The following MFSD6 variants were observed in gnomAD, a reference collection of about 807,000 sequenced individuals.
The protein encoded by MFSD6 is major facilitator superfamily domain containing 6.
MFSD6 carries 26 observed loss-of-function variants against 56.3 expected under a neutral mutation model. That is an observed-to-expected ratio of 0.46 (90% confidence interval 0.34 to 0.64). The LOEUF (loss-of-function observed/expected upper bound fraction) is 0.64. MFSD6 is among the 30% of genes least tolerant of loss of function. The pLI is 0.01. For missense variants in MFSD6, 750 were observed against 986.2 expected (o/e 0.76, Z 3.21); for synonymous variants, 331 against 366.9 (o/e 0.90, Z 1.12).
rs772620431 is a variant in MFSD6 at position 190,488,714 on chromosome 2, C to T, written c.1688C>T (p.Pro563Leu). 5.6e-6 allele frequency: 9 copies of T among 1,606,790 alleles called. No homozygotes were observed. Among genetic ancestry groups the T allele is most frequent in the African/African-American group, 5.4e-5 (4 of 74,570 alleles). ...ACISYLSAAV[P>L]PELRTSAQGI... ...ATTTCTTACCTCAGTGCAGCCGTTC[C>T]CCCTGAGCTGAGGACATCTGCTCAG... Residue 563 changes from proline to leucine, a missense_variant, in exon 5 of 8, where the codon CCC becomes CTC. By Grantham distance (98) the Pro-to-Leu change is moderately conservative. This residue lies in a region of MFSD6 where 125 missense variants were observed against 223.1 expected (regional missense o/e 0.56). Coordinates refer to ENST00000392328, the MANE Select transcript of MFSD6 (RefSeq NM_017694.4). This position sits in a 1 kb window ranked among gnomAD's most constrained non-coding sequence, Gnocchi z 6.4.
chr2:190,445,214 T>C (rs1686530354), intron 3 of MFSD6, among the ~76,000 whole-genome samples: 1 of 152,186 alleles, frequency 6.6e-6, no homozygotes, highest in East Asian at 1.9e-4. Context: ...TACAGGAGAA[T>C]TGATGCAAAG....
chr2:190,432,596 T>C (rs1431723149), intron 2 of MFSD6, among the ~76,000 whole-genome samples: 3 of 152,158 alleles, frequency 2.0e-5, no homozygotes, highest in African/African-American at 4.8e-5. Flanking sequence ...TTTGTATTTT[T>C]AGTAGAGACA....
At position 190,431,280 on chromosome 2, in the gene MFSD6, G is replaced by A. The variant is rs1039403638; in HGVS notation, c.-53-4697G>A. Reference sequence around the variant, plus strand: ...AGAGGATGGGCGGCCAGGCAGAGACGCTCCTCACTTCCCAGACGGGGTGGC... The same window carrying A: ...AGAGGATGGGCGGCCAGGCAGAGACACTCCTCACTTCCCAGACGGGGTGGC... On this transcript the variant is annotated intron_variant, in intron 2 of 7. Transcript: ENST00000392328. The surrounding 1 kb of genome is among the most constrained non-coding windows in gnomAD (Gnocchi z 4.4). Among the ~76,000 whole-genome samples the A allele has an allele frequency of 2.0e-5, 3 of 152,120 alleles. No homozygotes were observed. Among genetic ancestry groups the A allele is most frequent in the African/African-American group, 2.4e-5 (1 of 41,424 alleles).
In MFSD6 at chr2:190,491,785, A is replaced by G. The variant is rs1324619127; in HGVS notation, c.1891+1919A>G. On this transcript the variant is annotated intron_variant, in intron 6 of 7. Coordinates refer to ENST00000392328, the MANE Select transcript of MFSD6 (RefSeq NM_017694.4). This position sits in a 1 kb window ranked among gnomAD's most constrained non-coding sequence, Gnocchi z 4.2. The stretch of plus-strand genomic sequence containing the variant: ...GCCCCAACAAAATCACACTAGCACC[A>G]GCAATAGATCCAAACCAAGAAGAAA... 6.6e-6 allele frequency among the ~76,000 whole-genome samples: 1 copy of G among 152,224 alleles called. No individual in the cohort carries two copies. Among genetic ancestry groups the G allele is most frequent in the African/African-American group, 2.4e-5 (1 of 41,466 alleles).
intron 4 of MFSD6, among the ~76,000 whole-genome samples, chr2:190,481,620 G>C (rs987153768): frequency 6.6e-6 from 1 of 152,158 alleles, no homozygotes; most frequent in African/African-American, 2.4e-5. Context: ...TAAGCTCCTT[G>C]GTGGCTGGGG....
intron 3 of MFSD6, among the ~76,000 whole-genome samples, chr2:190,441,326 C>T (rs555227642): frequency 1.3e-5 from 2 of 152,178 alleles, no homozygotes; most frequent in Admixed American, 1.3e-4. Flanking sequence ...GCCCAGGTTG[C>T]ACCCAGACCA....
rs540688436 is a variant in MFSD6, at chr2:190,413,496, A to T, written c.-175-1796A>T. 2.6e-5 allele frequency among the ~76,000 whole-genome samples: 4 copies of T among 152,336 alleles called. No individual in the cohort carries two copies. The South Asian group carries it at 8.3e-4, about 32-fold the overall frequency. Reference sequence around the variant, plus strand: ...GAAAGGCCAGCTCTGAATGACTCTGAGGAAATGTTTGGAAGCATTTTGATC... The same window carrying T: ...GAAAGGCCAGCTCTGAATGACTCTGTGGAAATGTTTGGAAGCATTTTGATC... On this transcript the variant is annotated intron_variant, in intron 1 of 7. Coordinates refer to ENST00000392328, the MANE Select transcript of MFSD6 (RefSeq NM_017694.4). The surrounding 1 kb of genome is among the most constrained non-coding windows in gnomAD (Gnocchi z 4.1).
rs146247672 is a variant in MFSD6, at chr2:190,411,072, A to G, written c.-176+2569A>G. The G allele has an allele frequency of 1.2e-4, 114 of 982,422 alleles. No individual in the cohort carries two copies. In the African/African-American group the frequency reaches 1.9e-3, roughly 17 times the overall value. The allele number at this position is 982,422 out of a possible 1,614,324, so 60.9% of individuals were successfully genotyped here. ...TCTATCTCAAAAAAAAGAAAAAAAA[A>G]AACTAGCTTCAGAAGAAATTTATAT... is the stretch of plus-strand genomic sequence containing the variant. On this transcript the variant is annotated intron_variant, in intron 1 of 7. Transcript: ENST00000392328.
rs1196286124 is a variant in MFSD6 at position 190,433,928 on chromosome 2, C to T, written c.-53-2049C>T. Among the ~76,000 whole-genome samples the T allele has an allele frequency of 1.3e-5, 2 of 152,104 alleles. No individual in the cohort carries two copies. Among genetic ancestry groups the T allele is most frequent in the South Asian group, 2.1e-4 (1 of 4,828 alleles). The stretch of plus-strand genomic sequence containing the variant: ...AAAGGAGGCAGGGTGCAGTGGTTCA[C>T]GCCTGTAATCCCAGCACTTTGGGAG... On this transcript the variant is annotated intron_variant, in intron 2 of 7. Transcript: ENST00000392328. The surrounding 1 kb of genome is among the most constrained non-coding windows in gnomAD (Gnocchi z 4.5).
At chr2:190,422,656 G>C (rs10188341) in intron 2 of MFSD6, among the ~76,000 whole-genome samples, 46,501 of 152,010 alleles carry the variant, frequency 0.31, 8,005 homozygotes, top group African/African-American at 0.45. Context: ...CCAGTGTTCT[G>C]AAACGATGAT....
chr2:190,431,963 A>G lies in MFSD6; in HGVS notation c.-53-4014A>G, dbSNP rs1270696036. The stretch of plus-strand genomic sequence containing the variant: ...TCTTCTCTTATTTCTGAAGATAATC[A>G]TATATTCAAAAGTATTTTCCTTTTT... On this transcript the variant is annotated intron_variant, in intron 2 of 7. Coordinates refer to ENST00000392328, the MANE Select transcript of MFSD6 (RefSeq NM_017694.4). This position sits in a 1 kb window ranked among gnomAD's most constrained non-coding sequence, Gnocchi z 4.4. 1.3e-5 allele frequency among the ~76,000 whole-genome samples: 2 copies of G among 152,170 alleles called. No homozygotes were observed. Among genetic ancestry groups the G allele is most frequent in the Admixed American group, 6.5e-5 (1 of 15,286 alleles).
chr2:190,491,858 A>G lies in MFSD6; in HGVS notation c.1891+1992A>G, dbSNP rs1478533817. Among the ~76,000 whole-genome samples the G allele has an allele frequency of 6.6e-6, 1 of 152,252 alleles. No homozygotes were observed. Among genetic ancestry groups the G allele is most frequent in the Non-Finnish European group, 1.5e-5 (1 of 68,036 alleles). On this transcript the variant is annotated intron_variant, in intron 6 of 7. Transcript: ENST00000392328. This position sits in a 1 kb window ranked among gnomAD's most constrained non-coding sequence, Gnocchi z 4.2. ...ATTCAGAAGGTCCATTATTAAGTTA[A>G]TCAAGGAGGCACTAGAGAAAGGTGA... is the stretch of plus-strand genomic sequence containing the variant.
chr2:190,452,026 G>A (rs1287139689), intron 3 of MFSD6, among the ~76,000 whole-genome samples: 2 of 151,160 alleles, frequency 1.3e-5, no homozygotes, highest in Admixed American at 6.6e-5. Flanking sequence ...GATGATTCAT[G>A]TACTATCTTT....
rs768444137 is a variant in MFSD6 at position 190,500,507 on chromosome 2, A to C, written c.*289A>C. ...TTAAGGATGATAGAATTTCTCTGCC[A>C]GTGCAGTAAGAGTTGAAACCGGCAG... On this transcript the variant is annotated 3_prime_UTR_variant, in exon 8 of 8. Coordinates refer to ENST00000392328, the MANE Select transcript of MFSD6 (RefSeq NM_017694.4). The surrounding 1 kb of genome is among the most constrained non-coding windows in gnomAD (Gnocchi z 5.3). The C allele has an allele frequency of 6.3e-5, 23 of 365,414 alleles. No individual in the cohort carries two copies. The highest frequency in any genetic ancestry group is 8.5e-5 in the Non-Finnish European group (17 of 200,080). The allele number at this position is 365,414 out of a possible 1,614,324, so 22.6% of individuals were successfully genotyped here. A position where few individuals can be genotyped will look rare whatever the true frequency, so the allele number is the denominator to read the frequency against.
rs752583261 is a variant in MFSD6, at chr2:190,438,455, G to T, written c.1532+894G>T. On this transcript the variant is annotated intron_variant, in intron 3 of 7. Transcript: ENST00000392328. This position sits in a 1 kb window ranked among gnomAD's most constrained non-coding sequence, Gnocchi z 5.2. ...CACTTGAACCCAGGAGGCAGAGGTT[G>T]CAGTGAGTCAAGATCACACCACTGC... Among the ~76,000 whole-genome samples, 2 of 152,208 alleles carry T rather than the reference G, an allele frequency of 1.3e-5. No homozygotes were observed. Among genetic ancestry groups the T allele is most frequent in the African/African-American group, 4.8e-5 (2 of 41,456 alleles).
rs892255781 is a variant in MFSD6, at chr2:190,462,083, A to C, written c.1533-7675A>C. ...GCGATGAAGGGCCCTATCATCGCAG[A>C]TTTCCAGGATAATCATTGTTCGTGA... On this transcript the variant is annotated intron_variant, in intron 3 of 7. Coordinates refer to ENST00000392328, the MANE Select transcript of MFSD6 (RefSeq NM_017694.4). The surrounding 1 kb of genome is among the most constrained non-coding windows in gnomAD (Gnocchi z 5.7). Among the ~76,000 whole-genome samples, 2 of 152,158 alleles carry C rather than the reference A, an allele frequency of 1.3e-5. No individual in the cohort carries two copies. Among genetic ancestry groups the C allele is most frequent in the African/African-American group, 2.4e-5 (1 of 41,432 alleles).
chr2:190,440,760 C>CG (rs953967574), intron 3 of MFSD6, among the ~76,000 whole-genome samples: 11 of 152,114 alleles, frequency 7.2e-5, no homozygotes, highest in East Asian at 5.8e-4. Context: ...AAATATTATC[C>CG]GGGGGGGTTA....
At chr2:190,470,612 G>T (rs1479432605) in intron 4 of MFSD6, among the ~76,000 whole-genome samples, 1 of 152,178 alleles carries the variant, frequency 6.6e-6, no homozygotes, top group African/African-American at 2.4e-5. Flanking sequence ...ATCATTAATT[G>T]CACTAAACAG....
intron 3 of MFSD6, among the ~76,000 whole-genome samples, chr2:190,450,475 TTTTCTCTTTTTCC>T (rs1238068353): frequency 1.4e-5 from 2 of 142,708 alleles, no homozygotes; most frequent in African/African-American, 5.1e-5. Context: ...AACTTTTTCT[TTTTCTCTTTTTCC>T]TTTTTTTTTT....
Sources: allele counts gnomAD v4.1 joint callset (sites outside exome capture counted in the v4.1 genomes callset), GRCh38; gene constraint gnomAD v4.1.1; regional missense constraint gnomAD v4.1.1; non-coding constraint Gnocchi (gnomAD v3.1); transcripts MANE v1.5; gene names NCBI Gene and HGNC (gene_info 2026-07-23, HGNC 2026-07-21).